Variants in RASA1 observed in about 807,000 individuals in gnomAD.
RASA1 encodes RAS p21 protein activator 1.
RASA1 carries 25 observed loss-of-function variants against 132.2 expected under a neutral mutation model. The observed-to-expected ratio is 0.19, with a 90% CI of 0.14 to 0.26. The LOEUF (loss-of-function observed/expected upper bound fraction) is 0.26, where lower values mean the gene tolerates loss of function less well. RASA1 is among the 10% of genes least tolerant of loss of function. The pLI, the probability that RASA1 is intolerant of heterozygous loss-of-function variation, is 1.00. For synonymous variants in RASA1, 477 were observed against 449.9 expected (o/e 1.06, Z -0.76); for missense variants, 964 against 1,299.2 (o/e 0.74, Z 3.97).
chr5:87,376,823 C>T, intron 16 of RASA1, 58 bp from the exon 17 acceptor site: 3 of 1,496,304 alleles, frequency 2.0e-6, no homozygotes, highest in South Asian at 2.3e-5. Flanking sequence ...TTGTTAGTCT[C>T]ATGGAGCATG....
At chr5:87,301,905 A>G (rs1755381572) in intron 1 of RASA1, among the ~76,000 whole-genome samples, 1 of 152,132 alleles carries the variant, frequency 6.6e-6, no homozygotes. Context: ...CTTGTGTTAC[A>G]TTGTGACTAT....
chr5:87,343,703 G>T (rs921916833), intron 6 of RASA1, among the ~76,000 whole-genome samples: 3 of 152,088 alleles, frequency 2.0e-5, no homozygotes, highest in African/African-American at 7.2e-5. Context: ...ATATGATCCG[G>T]CAATCCCACT....
Position 87,269,417 on chromosome 5 carries a change from A to G in RASA1, c.539+427A>G, listed in dbSNP as rs577434518. 9.1e-5 allele frequency: 102 copies of G among 1,121,572 alleles called. No individual in the cohort carries two copies. The African/African-American group carries it at 1.1e-3, about 12-fold the overall frequency. 69.5% of individuals were successfully genotyped at this position (1,121,572 alleles called of 1,614,324 possible). On this transcript the variant is annotated intron_variant, in intron 1 of 24. Coordinates refer to ENST00000274376, the MANE Select transcript of RASA1 (RefSeq NM_002890.3). Reference sequence around the variant, plus strand: ...GAATACAGGTGTTTAAACGAGTACTATAGTAATAATTTGAAAAATGTATTG... The same window carrying G: ...GAATACAGGTGTTTAAACGAGTACTGTAGTAATAATTTGAAAAATGTATTG...
rs3069490 is a variant in RASA1 at position 87,338,501 on chromosome 5, TTATA to T, written c.1017+439_1017+442del. The stretch of plus-strand genomic sequence containing the variant: ...CATGTGCCACCATGCCCAGCTAATT[TTATA>T]TATATATATATATATATATATATAT... On this transcript the variant is annotated intron_variant, in intron 5 of 24. Coordinates refer to ENST00000274376, the MANE Select transcript of RASA1 (RefSeq NM_002890.3). Among the ~76,000 whole-genome samples, 68 of 75,534 alleles carry T rather than the reference TTATA, an allele frequency of 9.0e-4. 1 individual carries two copies. Among genetic ancestry groups the T allele is most frequent in the South Asian group, 2.1e-3 (4 of 1,922 alleles). The allele number at this position is 75,534 out of a possible 152,430, so 49.6% of individuals were successfully genotyped here.
At chr5:87,352,545 CATTTT>C (rs991784462) in intron 8 of RASA1, among the ~76,000 whole-genome samples, 1 of 151,606 alleles carries the variant, frequency 6.6e-6, no homozygotes, top group African/African-American at 2.4e-5. Context: ...TACAGTATGT[CATTTT>C]ATTTTTTTGT....
At chr5:87,284,605 A>C (rs1754462086) in intron 1 of RASA1, among the ~76,000 whole-genome samples, 2 of 152,232 alleles carry the variant, frequency 1.3e-5, no homozygotes, top group South Asian at 4.1e-4. Flanking sequence ...TGGTAGAAGA[A>C]ATGAAATTTC....
At chr5:87,376,277 CCT>C in intron 15 of RASA1, 114 bp from the exon 16 acceptor site, 1 of 1,219,910 alleles carries the variant, frequency 8.2e-7, no homozygotes. Flanking sequence ...ACTGAAAACT[CCT>C]TTAATGAAAA....
chr5:87,374,425 T>G, intron 14 of RASA1, 105 bp downstream of exon 14: 1 of 808,020 alleles, frequency 1.2e-6, no homozygotes. Context: ...AGGTACCATA[T>G]CCAGGTGTTC....
At chr5:87,312,368 A>AT (rs1330317821) in intron 1 of RASA1, among the ~76,000 whole-genome samples, 1 of 152,076 alleles carries the variant, frequency 6.6e-6, no homozygotes, top group East Asian at 1.9e-4. Context: ...CTTCTCATAA[A>AT]TTTTTTTTGG....
At chr5:87,362,462 G>A (rs1049917206) in intron 9 of RASA1, 89 bp from the exon 10 acceptor site, 25 of 1,318,740 alleles carry the variant, frequency 1.9e-5, no homozygotes, top group Admixed American at 3.8e-5. Flanking sequence ...TATTTTAAGC[G>A]CTTTGGCTTT....
intron 20 of RASA1, among the ~76,000 whole-genome samples, 196 bp from the exon 21 acceptor site, chr5:87,383,517 A>G (rs557638227): frequency 1.3e-5 from 2 of 152,072 alleles, no homozygotes; most frequent in Non-Finnish European, 2.9e-5. Context: ...AAGCAGATAT[A>G]TATATTCTTA....
chr5:87,335,138 T>G lies in RASA1; in HGVS notation c.899+1801T>G, dbSNP rs941664405. 6.6e-5 allele frequency among the ~76,000 whole-genome samples: 10 copies of G among 152,136 alleles called. No homozygotes were observed. The East Asian group carries it at 1.7e-3, about 26-fold the overall frequency. On this transcript the variant is annotated intron_variant, in intron 4 of 24. Coordinates refer to ENST00000274376, the MANE Select transcript of RASA1 (RefSeq NM_002890.3). The stretch of plus-strand genomic sequence containing the variant: ...CTCAAGTGATCTGCCCGCCTTGGCC[T>G]CCCAAAGTGCTGGAATTATGGGCAT...
At chr5:87,369,710 A>G in intron 11 of RASA1, 103 bp from the exon 12 acceptor site, 1 of 786,758 alleles carries the variant, frequency 1.3e-6, no homozygotes, top group Admixed American at 2.3e-5. Flanking sequence ...TTTAAGAATT[A>G]TAATTTTATG....
At chr5:87,351,265 T>C (rs1032105274) in intron 8 of RASA1, among the ~76,000 whole-genome samples, 1 of 151,740 alleles carries the variant, frequency 6.6e-6, no homozygotes, top group African/African-American at 2.4e-5. Flanking sequence ...AAATATACTG[T>C]ACAAATTCTG....
Position 87,379,853 on chromosome 5 carries a change from A to G in RASA1, c.2603+3A>G, listed in dbSNP as rs763113460. On this transcript the variant is annotated splice_donor_region_variant and intron_variant, in intron 19 of 24. Coordinates refer to ENST00000274376, the MANE Select transcript of RASA1 (RefSeq NM_002890.3). Reference sequence around the variant, plus strand: ...ATGGCTTCAGAAATACTTCCACCGTAAGTGGTGAAATTTTCATTTGACAAG... The same window carrying G: ...ATGGCTTCAGAAATACTTCCACCGTGAGTGGTGAAATTTTCATTTGACAAG... 3 of 1,611,614 alleles carry G rather than the reference A, an allele frequency of 1.9e-6. No homozygotes were observed. The highest frequency in any genetic ancestry group is 2.5e-6 in the Non-Finnish European group (3 of 1,178,400).
chr5:87,384,487 A>C (rs553152499), intron 21 of RASA1, among the ~76,000 whole-genome samples: 1 of 152,220 alleles, frequency 6.6e-6, no homozygotes, highest in East Asian at 1.9e-4. Context: ...GGAATGTCTT[A>C]ATTTTTACTT....
At chr5:87,308,692 A>G (rs1437228647) in intron 1 of RASA1, among the ~76,000 whole-genome samples, 2 of 152,184 alleles carry the variant, frequency 1.3e-5, no homozygotes, top group African/African-American at 4.8e-5. Flanking sequence ...TGTTAGCATA[A>G]TGACATTTTG....
rs199767239 is a variant in RASA1 at position 87,390,930 on chromosome 5, G to A, written c.*47G>A. 117 of 1,531,324 alleles carry A rather than the reference G, an allele frequency of 7.6e-5. No individual in the cohort carries two copies. Among genetic ancestry groups the A allele is most frequent in the Admixed American group, 1.7e-4 (10 of 59,836 alleles). 94.9% of individuals were successfully genotyped at this position (1,531,324 alleles called of 1,614,324 possible). ...GCATGGATTCAGCATGTCCAACATGGTAATTCACTTCAGTTTAATGTCTCC... is the reference window on the plus strand; with the variant it reads ...GCATGGATTCAGCATGTCCAACATGATAATTCACTTCAGTTTAATGTCTCC... On this transcript the variant is annotated 3_prime_UTR_variant, in exon 25 of 25. Transcript: ENST00000274376.
intron 1 of RASA1, among the ~76,000 whole-genome samples, chr5:87,286,965 TACACC>T (rs1754604287): frequency 1.4e-5 from 2 of 147,956 alleles, no homozygotes; most frequent in Non-Finnish European, 3.0e-5. Context: ...ATACCATATA[TACACC>T]ATATATATAC....
Sources: gnomAD v4.1 joint callset for allele counts (sites outside exome capture counted in the v4.1 genomes callset) on GRCh38, gnomAD v4.1.1 for gene constraint, MANE v1.5 for transcripts, NCBI Gene and HGNC (gene_info 2026-07-23, HGNC 2026-07-21) for gene names.